ACACB: variants seen among roughly 807,000 people sequenced by gnomAD.
ACACB encodes the protein acetyl-CoA carboxylase 2.
A neutral mutation model predicts 278.8 loss-of-function variants in ACACB; 209 were observed. The observed-to-expected ratio is 0.75, with a 90% CI of 0.67 to 0.84. The LOEUF (loss-of-function observed/expected upper bound fraction) is 0.84, where lower values mean the gene tolerates loss of function less well. Among genes scored for constraint, ACACB ranks in the 40% least tolerant of loss-of-function variants. ACACB has a pLI of 0.00. For missense variants in ACACB, 2,850 were observed against 3,269.0 expected, an observed-to-expected ratio of 0.87 and a Z score of 3.13; for synonymous variants, 1,174 against 1,285.6, an observed-to-expected ratio of 0.91 and a Z score of 1.86.
intron 28 of ACACB, among the ~76,000 whole-genome samples, chr12:109,230,374 G>C (rs1044885448): frequency 1.3e-5 from 2 of 152,056 alleles, no homozygotes; most frequent in Non-Finnish European, 2.9e-5. Context: ...AGCAGTGGTG[G>C]TGTAAGATAT....
chr12:109,172,844 T>A (rs2136190860), intron 6 of ACACB, among the ~76,000 whole-genome samples: 1 of 152,302 alleles, frequency 6.6e-6, no homozygotes, highest in South Asian at 2.1e-4. Flanking sequence ...TTAAAATCAT[T>A]CGACCATAAA....
At chr12:109,207,660 A>G (rs2045562080) in intron 20 of ACACB, among the ~76,000 whole-genome samples, 1 of 152,194 alleles carries the variant, frequency 6.6e-6, no homozygotes, top group East Asian at 1.9e-4. Flanking sequence ...GCCAACCCTT[A>G]GCAAGTATGT....
At chr12:109,130,402 A>C (rs2042793339) in intron 1 of ACACB, among the ~76,000 whole-genome samples, 1 of 152,200 alleles carries the variant, frequency 6.6e-6, no homozygotes, top group South Asian at 2.1e-4. Context: ...CAGGGGACCA[A>C]ACAAGGTGCC....
chr12:109,260,288 A>T (rs1325116533), intron 47 of ACACB, 192 bp from the exon 48 acceptor site: 1 of 1,129,486 alleles, frequency 8.9e-7, no homozygotes, highest in African/African-American at 1.5e-5. Context: ...ACTGAGGCCC[A>T]CACTGGGTGA....
At chr12:109,219,922 A>G (rs2046112363) in intron 24 of ACACB, among the ~76,000 whole-genome samples, 1 of 152,242 alleles carries the variant, frequency 6.6e-6, no homozygotes. Context: ...TATTACTAAA[A>G]TAATATAATG....
At chr12:109,169,704 C>T (rs2284698) in intron 4 of ACACB, among the ~76,000 whole-genome samples, 12,481 of 152,230 alleles carry the variant, frequency 0.082, 1,275 homozygotes, top group African/African-American at 0.24. Flanking sequence ...ATCATCGCAT[C>T]TCTCTCAGAG....
At chr12:109,263,314 T>G (rs1313290084) in intron 49 of ACACB, 1 of 152,090 alleles carries the variant, frequency 6.6e-6, no homozygotes, top group Non-Finnish European at 1.5e-5. Context: ...GTAGCAGGAA[T>G]TACAGGTGTG....
In ACACB at chr12:109,139,926, C is replaced by T. The variant is rs200440063; in HGVS notation, c.521C>T (p.Ser174Phe). 4 of 1,614,182 alleles carry T rather than the reference C, an allele frequency of 2.5e-6. No homozygotes were observed. The highest frequency in any genetic ancestry group is 3.3e-5 in the Admixed American group (2 of 60,032). The stretch of plus-strand genomic sequence containing the variant: ...ATCCTGGGCTCTTTTGATGACTACT[C>T]CTCCGACGAGGACTCTGTTGCTGGC... ...NFILGSFDDY[S>F]SDEDSVAGSS... is the part of the protein sequence containing the mutation. The change falls in exon 2 of 53, where the codon TCC becomes TTC. Residue 174 changes from serine (S) to phenylalanine (F), a missense_variant. Physicochemically the swap from Ser to Phe is radical, Grantham distance 155. This residue lies in a region of ACACB where 2,265 missense variants were observed against 2,561.3 expected (regional missense o/e 0.88). Transcript: ENST00000338432.
chr12:109,260,240 A>C, intron 47 of ACACB: 108 of 1,351,552 alleles, frequency 8.0e-5, no homozygotes, highest in Middle Eastern at 5.1e-4. Flanking sequence ...AAAGAATCCT[A>C]GAGATTGGTT....
At chr12:109,181,011 C>G (rs1053280997) in intron 11 of ACACB, among the ~76,000 whole-genome samples, 1 of 152,122 alleles carries the variant, frequency 6.6e-6, no homozygotes, top group Non-Finnish European at 1.5e-5. Context: ...AACCATCATT[C>G]TACTCTCTGT....
At chr12:109,243,123 A>C (rs2046845569) in intron 37 of ACACB, among the ~76,000 whole-genome samples, 1 of 152,204 alleles carries the variant, frequency 6.6e-6, no homozygotes, top group Non-Finnish European at 1.5e-5. Context: ...ACAAAGAAAA[A>C]ATAATTCCTA....
chr12:109,241,381 C>A, intron 36 of ACACB, 100 bp downstream of exon 36: 1 of 1,212,978 alleles, frequency 8.2e-7, no homozygotes, highest in African/African-American at 1.5e-5. Flanking sequence ...GCGGTCTTGC[C>A]TTGCTCTCCC....
Position 109,185,649 on chromosome 12 carries a change from T to C in ACACB, c.1889T>C (p.Val630Ala). The change falls in exon 12 of 53, where the codon GTG (valine) becomes GCG (alanine). Residue 630 changes from valine (V) to alanine (A), a missense_variant. Val to Ala is a moderately conservative substitution (Grantham distance 64, BLOSUM62 0). Transcript: ENST00000338432. ...CTGTATGGAGAGTCACCATGGGGAG[T>C]GACTCCCATTTCTTTTGAAACCCCC... ...RLLYGESPWG[V>A]TPISFETPSN... 1 of 1,613,560 alleles carries C rather than the reference T, an allele frequency of 6.2e-7. No homozygotes were observed. Among genetic ancestry groups the C allele is most frequent in the Non-Finnish European group, 8.5e-7 (1 of 1,179,868 alleles).
intron 1 of ACACB, among the ~76,000 whole-genome samples, chr12:109,128,494 C>T (rs1031030988): frequency 1.3e-4 from 20 of 152,058 alleles, no homozygotes; most frequent in South Asian, 4.1e-4. Context: ...CCCACCACCA[C>T]GCCCAGCTAA....
intron 39 of ACACB, among the ~76,000 whole-genome samples, chr12:109,247,305 A>C (rs1284953216): frequency 6.6e-6 from 1 of 152,120 alleles, no homozygotes; most frequent in Admixed American, 6.6e-5. Flanking sequence ...ACATATATAC[A>C]TATACAGAGT....
chr12:109,188,884 A>C (rs554329980), intron 13 of ACACB, among the ~76,000 whole-genome samples: 1 of 152,306 alleles, frequency 6.6e-6, no homozygotes, highest in African/African-American at 2.4e-5. Flanking sequence ...CTTTACATTT[A>C]AACCTTATCA....
rs749730142 is a variant in ACACB, at chr12:109,209,934, CACAT to C, written c.3249+585_3249+588del. On this transcript the variant is annotated intron_variant, in intron 21 of 52. Transcript: ENST00000338432. ...ACACGTGTGTATATATGTGTATACA[CACAT>C]ACACACACGTGTGTGTATATATGTG... Among the ~76,000 whole-genome samples the C allele has an allele frequency of 2.9e-3, 200 of 68,848 alleles. 2 individuals carry two copies. Among genetic ancestry groups the C allele is most frequent in the Non-Finnish European group, 4.0e-3 (129 of 32,168 alleles). 45.2% of individuals were successfully genotyped at this position (68,848 alleles called of 152,430 possible).
intron 1 of ACACB, among the ~76,000 whole-genome samples, chr12:109,134,281 G>A (rs1323772646): frequency 6.6e-6 from 1 of 152,196 alleles, no homozygotes; most frequent in African/African-American, 2.4e-5. Flanking sequence ...AGGCCAGGAT[G>A]GACTGGGCAA....
intron 37 of ACACB, 69 bp from the exon 38 acceptor site, chr12:109,245,557 C>T: frequency 6.6e-7 from 1 of 1,526,140 alleles, no homozygotes; most frequent in Non-Finnish European, 8.9e-7. Context: ...CAGATCATCT[C>T]TGTCTGGGAA....
Sources: allele counts gnomAD v4.1 joint callset (sites outside exome capture counted in the v4.1 genomes callset), GRCh38; gene constraint gnomAD v4.1.1; regional missense constraint gnomAD v4.1.1; transcripts MANE v1.5; gene names NCBI Gene and HGNC (gene_info 2026-07-23, HGNC 2026-07-21).